CDYL2: variants seen among roughly 807,000 people sequenced by gnomAD.
The protein encoded by CDYL2 is chromodomain Y-like protein 2.
In CDYL2, 23 loss-of-function variants were observed where a neutral mutation model predicts 49.4. That is an observed-to-expected ratio of 0.47 (90% CI 0.34 to 0.66). CDYL2 has a LOEUF of 0.66. Ranked by LOEUF, CDYL2 falls within the 30% of genes least tolerant of loss-of-function variation. CDYL2 has a pLI of 0.01. For synonymous variants in CDYL2, 360 were observed against 268.8 expected (o/e 1.34, Z -3.32); for missense variants, 678 against 656.4 (o/e 1.03, Z -0.36).
chr16:80,625,571 C>T (rs1907264640), intron 3 of CDYL2, among the ~76,000 whole-genome samples: 1 of 152,192 alleles, frequency 6.6e-6, no homozygotes, highest in Non-Finnish European at 1.5e-5. Context: ...GGGCTTCTAT[C>T]TACCACAGAC....
intron 2 of CDYL2, among the ~76,000 whole-genome samples, chr16:80,669,796 A>G (rs961413222): frequency 2.6e-5 from 4 of 152,186 alleles, no homozygotes; most frequent in African/African-American, 9.7e-5. Context: ...GAGCCTCCAA[A>G]AATGAGCTGA....
chr16:80,733,331 G>A (rs1277354217), intron 1 of CDYL2, among the ~76,000 whole-genome samples: 4 of 152,234 alleles, frequency 2.6e-5, no homozygotes, highest in Non-Finnish European at 5.9e-5. Context: ...GGGATGGAAT[G>A]AGTTGGAAAT....
intron 1 of CDYL2, among the ~76,000 whole-genome samples, chr16:80,719,288 GA>G (rs1253266563): frequency 6.6e-6 from 1 of 152,110 alleles, no homozygotes; most frequent in Non-Finnish European, 1.5e-5. Context: ...CTGGGAGCAG[GA>G]ATCTGTGTGG....
rs922550722 is a variant in CDYL2 at position 80,666,478 on chromosome 16, T to C, written c.616+18060A>G. On this transcript the variant is annotated intron_variant, in intron 2 of 6. Coordinates refer to ENST00000570137, the MANE Select transcript of CDYL2 (RefSeq NM_152342.4). The stretch of plus-strand genomic sequence containing the variant: ...CTGCTGAAAAGAACTCACAATGCCC[T>C]TCATGGGGGAGGGAGCCTGGCGCTT... Among the ~76,000 whole-genome samples, 4 of 152,080 alleles carry C rather than the reference T, an allele frequency of 2.6e-5. No homozygotes were observed. In the East Asian group the frequency reaches 7.7e-4, roughly 29 times the overall value.
At chr16:80,774,377 G>T (rs80305400) in intron 1 of CDYL2, among the ~76,000 whole-genome samples, 10,669 of 151,236 alleles carry the variant, frequency 0.071, 596 homozygotes, top group African/African-American at 0.15. Flanking sequence ...AGGAGAAAGG[G>T]GGTTATCAGA....
intron 5 of CDYL2, among the ~76,000 whole-genome samples, chr16:80,609,070 T>C (rs546412392): frequency 2.0e-4 from 31 of 152,324 alleles, no homozygotes; most frequent in African/African-American, 7.5e-4. Context: ...CAGAGAGCAA[T>C]CTTCCCTGGG....
intron 1 of CDYL2, among the ~76,000 whole-genome samples, chr16:80,786,249 A>C (rs1024934512): frequency 2.0e-5 from 3 of 152,262 alleles, no homozygotes; most frequent in African/African-American, 7.2e-5. Context: ...TCTACAAAGA[A>C]CTTAAACAAA....
In CDYL2 at chr16:80,768,113, G is replaced by C. The variant is rs372706077; in HGVS notation, c.24+36037C>G. ...CCCCACTGCCACACCAGTAACAAGAGAAACAGTTTGAACCCTAGCCTGATG... is the reference window on the plus strand; with the variant it reads ...CCCCACTGCCACACCAGTAACAAGACAAACAGTTTGAACCCTAGCCTGATG... On this transcript the variant is annotated intron_variant, in intron 1 of 6. Transcript: ENST00000570137. Among the ~76,000 whole-genome samples, 67 of 152,278 alleles carry C rather than the reference G, an allele frequency of 4.4e-4. No individual in the cohort carries two copies. The Middle Eastern group carries it at 0.01, about 23-fold the overall frequency.
intron 1 of CDYL2, among the ~76,000 whole-genome samples, chr16:80,746,098 T>G (rs1004947988): frequency 6.6e-6 from 1 of 152,176 alleles, no homozygotes; most frequent in Admixed American, 6.5e-5. Context: ...AGACTAGCTC[T>G]GTTCCCGAGA....
At chr16:80,708,034 G>A (rs1904465316) in intron 1 of CDYL2, among the ~76,000 whole-genome samples, 1 of 152,120 alleles carries the variant, frequency 6.6e-6, no homozygotes, top group African/African-American at 2.4e-5. Context: ...CTTTAGGGGT[G>A]GGGCAAAGAT....
At chr16:80,658,859 T>C (rs1256583198) in intron 2 of CDYL2, among the ~76,000 whole-genome samples, 3 of 151,528 alleles carry the variant, frequency 2.0e-5, no homozygotes, top group African/African-American at 7.3e-5. Flanking sequence ...GGCTAGAAAA[T>C]CTTATTGTAC....
intron 1 of CDYL2, among the ~76,000 whole-genome samples, chr16:80,760,048 G>C (rs999049947): frequency 6.6e-6 from 1 of 152,176 alleles, no homozygotes; most frequent in African/African-American, 2.4e-5. Flanking sequence ...TAAGAAAATG[G>C]CGAAAATTTA....
chr16:80,672,257 A>C (rs1211725668), intron 2 of CDYL2, among the ~76,000 whole-genome samples: 1 of 151,922 alleles, frequency 6.6e-6, no homozygotes, highest in Non-Finnish European at 1.5e-5. Context: ...AAATAGACGG[A>C]AACAGACATA....
rs564232566 is a variant in CDYL2 at position 80,623,397 on chromosome 16, T to C, written c.835-2462A>G. On this transcript the variant is annotated intron_variant, in intron 3 of 6. Coordinates refer to ENST00000570137, the MANE Select transcript of CDYL2 (RefSeq NM_152342.4). ...CAAGTAGACTGCTTAGTGCAGTGCA[T>C]GGCACATACCCTGCAAGATGTCCCC... 1.1e-4 allele frequency among the ~76,000 whole-genome samples: 17 copies of C among 151,926 alleles called. No individual in the cohort carries two copies. The South Asian group carries it at 3.3e-3, about 30-fold the overall frequency.
At chr16:80,760,703 ATTATT>A (rs2142382657) in intron 1 of CDYL2, among the ~76,000 whole-genome samples, 1 of 152,196 alleles carries the variant, frequency 6.6e-6, no homozygotes, top group East Asian at 1.9e-4. Context: ...CTACGCTTCT[ATTATT>A]GACTGGGGGA....
At chr16:80,689,141 CA>C (rs1304157585) in intron 1 of CDYL2, among the ~76,000 whole-genome samples, 2 of 152,288 alleles carry the variant, frequency 1.3e-5, no homozygotes, top group East Asian at 3.9e-4. Context: ...CTTCTTTTCT[CA>C]AAAATAAGCA....
intron 1 of CDYL2, among the ~76,000 whole-genome samples, chr16:80,795,152 C>A (rs892942888): frequency 6.6e-6 from 1 of 152,198 alleles, no homozygotes; most frequent in South Asian, 2.1e-4. Flanking sequence ...GAGAAAAGTT[C>A]CCTGATCAAG....
chr16:80,607,228 G>A (rs2142358441), intron 6 of CDYL2, among the ~76,000 whole-genome samples: 1 of 152,190 alleles, frequency 6.6e-6, no homozygotes, highest in African/African-American at 2.4e-5. Context: ...GCTTGCAGGG[G>A]GCAAGACTTA....
At chr16:80,613,527 G>A (rs1325062276) in intron 4 of CDYL2, among the ~76,000 whole-genome samples, 1 of 152,124 alleles carries the variant, frequency 6.6e-6, no homozygotes, top group African/African-American at 2.4e-5. Flanking sequence ...AATATGTTAG[G>A]ATGGCTCTGA....
Sources: allele counts gnomAD v4.1 joint callset (sites outside exome capture counted in the v4.1 genomes callset), GRCh38; gene constraint gnomAD v4.1.1; transcripts MANE v1.5; gene names NCBI Gene and HGNC (gene_info 2026-07-23, HGNC 2026-07-21).